Variants in PHF3 observed in about 807,000 individuals in gnomAD.
PHF3 encodes PHD finger protein 3.
Under a neutral mutation model 178.4 loss-of-function variants are expected in PHF3, and 41 were observed. The ratio of observed to expected loss-of-function variants is 0.23; its 90% confidence interval spans 0.18 to 0.30. The LOEUF (loss-of-function observed/expected upper bound fraction) is 0.30. PHF3 is among the 10% of genes least tolerant of loss of function. PHF3 has a pLI of 1.00. For missense variants in PHF3, 2,346 were observed against 2,398.1 expected, an observed-to-expected ratio of 0.98 and a Z score of 0.45; for synonymous variants, 842 against 800.5, an observed-to-expected ratio of 1.05 and a Z score of -0.88.
intron 2 of PHF3, among the ~76,000 whole-genome samples, chr6:63,656,403 T>G (rs147651110): frequency 0.012 from 1,792 of 152,260 alleles, 29 homozygotes; most frequent in African/African-American, 0.041. Flanking sequence ...ACTGAAACCC[T>G]AAAAAAACCA....
chr6:63,661,398 A>G (rs953883283), intron 2 of PHF3, among the ~76,000 whole-genome samples: 5 of 152,202 alleles, frequency 3.3e-5, no homozygotes, highest in African/African-American at 1.2e-4. Flanking sequence ...AGCAATTACT[A>G]TTGAAGAGGA....
At position 63,639,753 on chromosome 6, in the gene PHF3, T is replaced by G. The variant is rs79300703; in HGVS notation, c.-26+3603T>G. 7.2e-3 allele frequency among the ~76,000 whole-genome samples: 1,099 copies of G among 152,224 alleles called. 7 individuals are homozygous for G. The highest frequency in any genetic ancestry group is 0.013 in the Non-Finnish European group (886 of 67,986). On this transcript the variant is annotated intron_variant, in intron 1 of 15. Coordinates refer to ENST00000262043, the MANE Select transcript of PHF3 (RefSeq NM_001370348.2). ...GGGTCGCTGTGAGGAACTAATGAGATAATGCATACGATACACAGGGCCTGG... is the reference window on the plus strand; with the variant it reads ...GGGTCGCTGTGAGGAACTAATGAGAGAATGCATACGATACACAGGGCCTGG...
Position 63,715,677 on chromosome 6 carries a change from A to C in PHF3, c.*1969A>C, listed in dbSNP as rs1374702069. ...CATGTTTTTAAAATAGGCAAGGCCC[A>C]TATAGCTTTCTATTAGGGATGAGCA... On this transcript the variant is annotated 3_prime_UTR_variant, in exon 16 of 16. Transcript: ENST00000262043. 6.6e-6 allele frequency among the ~76,000 whole-genome samples: 1 copy of C among 152,152 alleles called. No homozygotes were observed. Among genetic ancestry groups the C allele is most frequent in the Non-Finnish European group, 1.5e-5 (1 of 68,036 alleles).
chr6:63,675,779 T>C (rs1766138759), intron 2 of PHF3, among the ~76,000 whole-genome samples: 1 of 152,208 alleles, frequency 6.6e-6, no homozygotes, highest in South Asian at 2.1e-4. Context: ...CATATAAACA[T>C]GGTCAGATCT....
intron 3 of PHF3, 94 bp downstream of exon 3, chr6:63,680,255 GATGTTTTGCTA>G: frequency 8.8e-7 from 1 of 1,134,998 alleles, no homozygotes; most frequent in Non-Finnish European, 1.2e-6. Context: ...ATATTTTCTT[GATGTTTTGCTA>G]ATCCATTCGT....
At chr6:63,680,446 T>C (rs2149578420) in intron 3 of PHF3, among the ~76,000 whole-genome samples, 1 of 147,948 alleles carries the variant, frequency 6.8e-6, no homozygotes, top group South Asian at 2.1e-4. Flanking sequence ...TAGCTCTAGG[T>C]AACATGCATA....
Position 63,720,604 on chromosome 6 carries a change from C to T in PHF3, c.*6896C>T, listed in dbSNP as rs1038659994. ...AAATCTCTAGTGTTAACTTATGTAACCTCATTTTGTTCATCTCCATCATAA... is the reference window on the plus strand; with the variant it reads ...AAATCTCTAGTGTTAACTTATGTAATCTCATTTTGTTCATCTCCATCATAA... On this transcript the variant is annotated 3_prime_UTR_variant, in exon 16 of 16. Transcript: ENST00000262043. 24 of 1,476,572 alleles carry T rather than the reference C, an allele frequency of 1.6e-5. No homozygotes were observed. The highest frequency in any genetic ancestry group is 2.2e-5 in the Non-Finnish European group (24 of 1,109,874). 91.5% of individuals were successfully genotyped at this position (1,476,572 alleles called of 1,614,324 possible).
Position 63,659,145 on chromosome 6 carries a change from T to C in PHF3, c.244+12350T>C, listed in dbSNP as rs1765361709. Among the ~76,000 whole-genome samples the C allele has an allele frequency of 2.0e-5, 3 of 152,158 alleles. No individual in the cohort carries two copies. The South Asian group carries it at 6.2e-4, about 31-fold the overall frequency. ...AAGTTGACGTATAAAGTGAACAATCTCTCACCACAAAAAAGTTGATGTGAG... is the reference window on the plus strand; with the variant it reads ...AAGTTGACGTATAAAGTGAACAATCCCTCACCACAAAAAAGTTGATGTGAG... On this transcript the variant is annotated intron_variant, in intron 2 of 15. Coordinates refer to ENST00000262043, the MANE Select transcript of PHF3 (RefSeq NM_001370348.2).
chr6:63,639,953 A>C (rs1764503469), intron 1 of PHF3, among the ~76,000 whole-genome samples: 1 of 152,198 alleles, frequency 6.6e-6, no homozygotes, highest in Admixed American at 6.5e-5. Flanking sequence ...CTTTCTTGTT[A>C]CTGTTGGCTA....
intron 2 of PHF3, among the ~76,000 whole-genome samples, chr6:63,675,774 A>C (rs1414322468): frequency 6.6e-6 from 1 of 152,214 alleles, no homozygotes; most frequent in African/African-American, 2.4e-5. Context: ...CAGCACATAT[A>C]AACATGGTCA....
intron 2 of PHF3, among the ~76,000 whole-genome samples, chr6:63,665,475 G>GTT (rs1561950516): frequency 1.5e-5 from 2 of 135,458 alleles, no homozygotes; most frequent in Non-Finnish European, 3.1e-5. Context: ...TTCGCTTTGT[G>GTT]GTTTTTTTTT....
At chr6:63,659,332 T>C (rs1408637783) in intron 2 of PHF3, among the ~76,000 whole-genome samples, 2 of 152,212 alleles carry the variant, frequency 1.3e-5, no homozygotes, top group Non-Finnish European at 2.9e-5. Context: ...TAAATTATTC[T>C]TTGAACTGCT....
rs745547822 is a variant in PHF3 at position 63,703,592 on chromosome 6, G to A, written c.3288G>A (p.Glu1096=). The A allele has an allele frequency of 1.9e-6, 3 of 1,612,932 alleles. No individual in the cohort carries two copies. Among genetic ancestry groups the A allele is most frequent in the African/African-American group, 1.3e-5 (1 of 74,948 alleles). ...EKPEGSEKQK[E]EVDSMSKDTT... ...CAGAAGGATCTGAAAAACAAAAAGA[G>A]GAGGTTGACTCTATGTCTAAAGATA... Residue 1096 remains glutamate, a synonymous_variant, in exon 11 of 16, where the codon GAG becomes GAA. Transcript: ENST00000262043.
chr6:63,660,640 T>A lies in PHF3; in HGVS notation c.244+13845T>A, dbSNP rs186220054. On this transcript the variant is annotated intron_variant, in intron 2 of 15. Coordinates refer to ENST00000262043, the MANE Select transcript of PHF3 (RefSeq NM_001370348.2). ...GTCTAGTTATTTAACATAAACTTAC[T>A]GGGAGAGGTTGTCTGCCATGAGTTT... is the stretch of plus-strand genomic sequence containing the variant. Among the ~76,000 whole-genome samples, 3 of 152,312 alleles carry A rather than the reference T, an allele frequency of 2.0e-5. No individual in the cohort carries two copies. In the East Asian group the frequency reaches 5.8e-4, roughly 29 times the overall value.
chr6:63,653,863 C>A (rs187595507), intron 2 of PHF3, among the ~76,000 whole-genome samples: 1 of 152,058 alleles, frequency 6.6e-6, no homozygotes, highest in Non-Finnish European at 1.5e-5. Context: ...TTATCACTTA[C>A]GCTTTTCCTG....
chr6:63,652,721 A>G (rs1167009285), intron 2 of PHF3, among the ~76,000 whole-genome samples: 2 of 152,034 alleles, frequency 1.3e-5, no homozygotes, highest in Non-Finnish European at 2.9e-5. Context: ...ATGGAGAGAG[A>G]TGGGGTTTAG....
intron 1 of PHF3, among the ~76,000 whole-genome samples, chr6:63,640,870 G>T (rs574594079): frequency 6.6e-6 from 1 of 151,978 alleles, no homozygotes; most frequent in African/African-American, 2.4e-5. Flanking sequence ...TGTGTGTGGG[G>T]CTGTCCTAGT....
chr6:63,668,306 A>G (rs1313972186), intron 2 of PHF3, among the ~76,000 whole-genome samples: 3 of 152,154 alleles, frequency 2.0e-5, no homozygotes, highest in Non-Finnish European at 4.4e-5. Context: ...TGCTAATGCC[A>G]GAGGTGGCAA....
rs1344991456 is a variant in PHF3, at chr6:63,635,858, T to C, written c.-318T>C. ...CTCCCGCGCCGCCGCCGCACGCCGA[T>C]GGCTGCGGGGTCTCGCGCCGTCGCA... On this transcript the variant is annotated 5_prime_UTR_variant, in exon 1 of 16. It removes an upstream start codon present in the reference 5' UTR. Coordinates refer to ENST00000262043, the MANE Select transcript of PHF3 (RefSeq NM_001370348.2). The C allele has an allele frequency of 1.3e-5, 5 of 396,896 alleles. No homozygotes were observed. Among genetic ancestry groups the C allele is most frequent in the African/African-American group, 2.1e-5 (1 of 48,630 alleles). 24.6% of individuals were successfully genotyped at this position (396,896 alleles called of 1,614,324 possible).
Sources: allele counts gnomAD v4.1 joint callset (sites outside exome capture counted in the v4.1 genomes callset), GRCh38; gene constraint gnomAD v4.1.1; transcripts MANE v1.5; gene names NCBI Gene and HGNC (gene_info 2026-07-23, HGNC 2026-07-21).